HDAC9: variants seen among roughly 807,000 people sequenced by gnomAD.
HDAC9 encodes the protein histone deacetylase 9, also known as MEF-2 interacting transcription repressor (MITR) protein.
Under a neutral mutation model 139.4 loss-of-function variants are expected in HDAC9, and 41 were observed. The ratio of observed to expected loss-of-function variants is 0.29; its 90% CI spans 0.23 to 0.38. The LOEUF (loss-of-function observed/expected upper bound fraction) is 0.38, where lower values mean the gene tolerates loss of function less well. Among genes scored for constraint, HDAC9 ranks in the 10% least tolerant of loss-of-function variants. The pLI, the probability that HDAC9 is intolerant of heterozygous loss-of-function variation, is 1.00. For synonymous variants in HDAC9, 517 were observed against 476.2 expected (o/e 1.09, Z -1.12); for missense variants, 1,147 against 1,297.0 (o/e 0.88, Z 1.78).
chr7:18,753,483 CA>C (rs1788620123), intron 14 of HDAC9, among the ~76,000 whole-genome samples: 2 of 151,870 alleles, frequency 1.3e-5, no homozygotes, highest in South Asian at 4.1e-4. Context: ...TTGACCAGGA[CA>C]AAAAATAAGG....
At chr7:18,782,360 A>G (rs1791317164) in intron 16 of HDAC9, among the ~76,000 whole-genome samples, 1 of 152,128 alleles carries the variant, frequency 6.6e-6, no homozygotes. Context: ...TATACAAAGG[A>G]GACTGTGCCT....
At chr7:18,888,303 T>TA (rs1800353752) in intron 22 of HDAC9, among the ~76,000 whole-genome samples, 1 of 152,138 alleles carries the variant, frequency 6.6e-6, no homozygotes, top group African/African-American at 2.4e-5. Flanking sequence ...CGGGCGCCTG[T>TA]AGTCCCAGCT....
chr7:18,590,421 A>G lies in HDAC9; in HGVS notation c.350A>G (p.Glu117Gly), dbSNP rs777495863. ...QKLEQQRQEQ[E>G]VERHRREQQL... ...CTGGAGCAGCAGAGGCAAGAACAGG[A>G]AGTAGAGAGGCATCGCAGAGAACAG... The change falls in exon 4 of 26, where the codon GAA (glutamate) becomes GGA (glycine). Residue 117 changes from glutamate to glycine, a missense_variant. Physicochemically the swap from Glu to Gly is moderately conservative, Grantham distance 98. Transcript: ENST00000686413. 1 of 1,609,178 alleles carries G rather than the reference A, an allele frequency of 6.2e-7. No individual in the cohort carries two copies. The highest frequency in any genetic ancestry group is 8.5e-7 in the Non-Finnish European group (1 of 1,177,624).
intron 1 of HDAC9, among the ~76,000 whole-genome samples, chr7:18,333,123 T>C (rs1781324230): frequency 6.6e-6 from 1 of 151,400 alleles, no homozygotes; most frequent in South Asian, 2.1e-4. Flanking sequence ...AAAACAGTAA[T>C]ACAAAATAAA....
intron 11 of HDAC9, among the ~76,000 whole-genome samples, chr7:18,649,020 T>A (rs1486730358): frequency 6.6e-6 from 1 of 152,188 alleles, no homozygotes; most frequent in African/African-American, 2.4e-5. Context: ...GACTTGAATG[T>A]GGTGTGTTGA....
At position 18,965,879 on chromosome 7, in the gene HDAC9, A is replaced by G. The variant is rs974746634; in HGVS notation, c.3023-9927A>G. On this transcript the variant is annotated intron_variant, in intron 24 of 25. Transcript: ENST00000686413. ...GAAATGAGGTTGTGTGCACTCAATT[A>G]GTAAGGGGCGGGACATGTGGATGAG... Among the ~76,000 whole-genome samples the G allele has an allele frequency of 4.6e-5, 7 of 152,198 alleles. 1 individual carries two copies. Among genetic ancestry groups the G allele is most frequent in the African/African-American group, 1.7e-4 (7 of 41,468 alleles).
intron 19 of HDAC9, among the ~76,000 whole-genome samples, chr7:18,835,243 G>C (rs1055869085): frequency 6.6e-6 from 1 of 152,106 alleles, no homozygotes; most frequent in Non-Finnish European, 1.5e-5. Context: ...TTAGAAGCCA[G>C]TTTAAAAAAT....
chr7:18,668,425 C>T, intron 12 of HDAC9: 1 of 940,396 alleles, frequency 1.1e-6, no homozygotes, highest in African/African-American at 1.8e-5. Flanking sequence ...TTTTCAATCT[C>T]ATAAAAAAGG....
At chr7:18,976,091 C>T in intron 25 of HDAC9, 138 bp downstream of exon 25, 1 of 770,586 alleles carries the variant, frequency 1.3e-6, no homozygotes, top group Non-Finnish European at 2.1e-6. Context: ...CCACAGATGC[C>T]ACAGCACATG....
At chr7:18,689,158 G>T (rs114894507) in intron 12 of HDAC9, among the ~76,000 whole-genome samples, 41,457 of 151,600 alleles carry the variant, frequency 0.27, 7,376 homozygotes, top group East Asian at 0.52. Flanking sequence ...GCTAGAGACT[G>T]GCCTAACCTT....
intron 25 of HDAC9, among the ~76,000 whole-genome samples, chr7:18,980,571 G>A (rs1311070037): frequency 3.9e-5 from 6 of 152,158 alleles, no homozygotes; most frequent in African/African-American, 1.2e-4. Flanking sequence ...TACCTGGCAT[G>A]TAGTAAATAC....
intron 6 of HDAC9, among the ~76,000 whole-genome samples, chr7:18,598,760 C>G (rs1425708072): frequency 2.0e-5 from 3 of 152,136 alleles, no homozygotes; most frequent in African/African-American, 7.2e-5. Flanking sequence ...AATAGAACAA[C>G]CAAACTAATA....
chr7:18,239,852 G>T (rs554177766), intron 2 of HDAC9, among the ~76,000 whole-genome samples: 42 of 152,016 alleles, frequency 2.8e-4, no homozygotes, highest in African/African-American at 9.9e-4. Flanking sequence ...AAGGTAAGTA[G>T]GCAAATAATA....
intron 2 of HDAC9, among the ~76,000 whole-genome samples, chr7:18,278,891 C>T (rs1449956384): frequency 6.6e-6 from 1 of 152,102 alleles, no homozygotes. Flanking sequence ...TTCTATTGAA[C>T]ATTCTATAAC....
chr7:18,755,945 C>T (rs1388936231), intron 14 of HDAC9, among the ~76,000 whole-genome samples: 1 of 152,014 alleles, frequency 6.6e-6, no homozygotes, highest in African/African-American at 2.4e-5. Flanking sequence ...TTCCGTAGTC[C>T]CAAGTGTTGG....
chr7:18,862,381 C>T (rs1798176788), intron 21 of HDAC9, among the ~76,000 whole-genome samples: 1 of 152,090 alleles, frequency 6.6e-6, no homozygotes, highest in African/African-American at 2.4e-5. Flanking sequence ...AATGAATCCC[C>T]CCAGTCTCAT....
intron 1 of HDAC9, among the ~76,000 whole-genome samples, chr7:18,473,907 A>G (rs140358037): frequency 5.9e-5 from 9 of 152,334 alleles, no homozygotes; most frequent in African/African-American, 1.9e-4. Context: ...TAATGCTATA[A>G]AAAGACTCTT....
At chr7:18,818,505 T>TAGATA in intron 17 of HDAC9, among the ~76,000 whole-genome samples, 1 of 152,228 alleles carries the variant, frequency 6.6e-6, no homozygotes, top group Non-Finnish European at 1.5e-5. Context: ...AGTTTATAAA[T>TAGATA]GTCACATAGA....
At chr7:18,380,688 G>A (rs375285435) in intron 1 of HDAC9, among the ~76,000 whole-genome samples, 1 of 152,228 alleles carries the variant, frequency 6.6e-6, no homozygotes, top group South Asian at 2.1e-4. Flanking sequence ...TTTACACATT[G>A]GTGTCCGTCA....
Sources: allele counts gnomAD v4.1 joint callset (sites outside exome capture counted in the v4.1 genomes callset), GRCh38; gene constraint gnomAD v4.1.1; transcripts MANE v1.5; gene names NCBI Gene and HGNC (gene_info 2026-07-23, HGNC 2026-07-21).